The following DRAM1 variants were observed in gnomAD, a reference collection of about 807,000 sequenced individuals.
DRAM1 encodes the protein DNA damage-regulated autophagy modulator protein 1.
A neutral mutation model predicts 28.5 loss-of-function variants in DRAM1; 25 were observed. That is an observed-to-expected ratio of 0.88 (90% CI 0.64 to 1.23). The LOEUF is 1.23. DRAM1 is among the 50% of genes most tolerant of loss of function. The pLI is 0.00. For synonymous variants in DRAM1, 113 were observed against 114.2 expected, an observed-to-expected ratio of 0.99 and a Z score of 0.07; for missense variants, 249 against 299.2, an observed-to-expected ratio of 0.83 and a Z score of 1.24.
At chr12:101,901,245 A>G in intron 2 of DRAM1, 46 bp from the exon 3 acceptor site, 1 of 1,588,344 alleles carries the variant, frequency 6.3e-7, no homozygotes, top group Non-Finnish European at 8.6e-7. Context: ...TTTCATCCTA[A>G]AGACATCAAA....
At chr12:101,888,625 A>G (rs1260667546) in intron 1 of DRAM1, among the ~76,000 whole-genome samples, 1 of 151,980 alleles carries the variant, frequency 6.6e-6, no homozygotes, top group Non-Finnish European at 1.5e-5. Context: ...TTCTCCTCTG[A>G]TTTGAATTTT....
At chr12:101,905,508 C>T (rs1873769765) in intron 3 of DRAM1, among the ~76,000 whole-genome samples, 1 of 152,070 alleles carries the variant, frequency 6.6e-6, no homozygotes, top group Admixed American at 6.6e-5. Flanking sequence ...TCTTGAACTC[C>T]TGAGCTCAAG....
intron 1 of DRAM1, among the ~76,000 whole-genome samples, chr12:101,878,358 C>T (rs984121464): frequency 3.9e-5 from 6 of 152,190 alleles, no homozygotes; most frequent in Admixed American, 2.6e-4. Context: ...TTATTATTCC[C>T]GCAAGCGAGC....
At chr12:101,884,307 G>A (rs1203325693) in intron 1 of DRAM1, among the ~76,000 whole-genome samples, 1 of 146,852 alleles carries the variant, frequency 6.8e-6, no homozygotes, top group Non-Finnish European at 1.5e-5. Context: ...AGGATCACTT[G>A]AGCCTGCAGT....
At chr12:101,901,614 G>GA in intron 3 of DRAM1, 181 bp downstream of exon 3, 5 of 659,234 alleles carry the variant, frequency 7.6e-6, no homozygotes, top group Non-Finnish European at 1.2e-5. Context: ...GGCCAGGTGT[G>GA]GTGGCTCACA....
chr12:101,889,900 A>G (rs1329174292), intron 1 of DRAM1, among the ~76,000 whole-genome samples: 1 of 145,830 alleles, frequency 6.9e-6, no homozygotes, highest in Non-Finnish European at 1.5e-5. Flanking sequence ...AGATCGTGCC[A>G]CTACACTCCA....
chr12:101,899,942 TTG>T (rs1873533825), intron 2 of DRAM1, among the ~76,000 whole-genome samples: 1 of 152,240 alleles, frequency 6.6e-6, no homozygotes, highest in Non-Finnish European at 1.5e-5. Context: ...CTTTGCATAT[TTG>T]TGTGAGTTTT....
intron 3 of DRAM1, among the ~76,000 whole-genome samples, chr12:101,903,201 G>A (rs567605718): frequency 5.3e-5 from 8 of 152,170 alleles, no homozygotes; most frequent in Admixed American, 2.0e-4. Context: ...ATGAGCCACC[G>A]TGCCCAGCCA....
chr12:101,903,159 C>T (rs1873667238), intron 3 of DRAM1, among the ~76,000 whole-genome samples: 1 of 152,184 alleles, frequency 6.6e-6, no homozygotes, highest in African/African-American at 2.4e-5. Flanking sequence ...GATCTGCCTG[C>T]CTTGGCCTCC....
rs1566126243 is a variant in DRAM1, at chr12:101,901,407, G to A, written c.316G>A (p.Gly106Arg). 1.9e-6 allele frequency: 3 copies of A among 1,614,018 alleles called. No individual in the cohort carries two copies. The highest frequency in any genetic ancestry group is 1.7e-6 in the Non-Finnish European group (2 of 1,179,984). Residue 106 changes from glycine to arginine, a missense_variant, in exon 3 of 7, where the codon GGA (glycine) becomes AGA (arginine). Coordinates refer to ENST00000258534, the MANE Select transcript of DRAM1 (RefSeq NM_018370.3). ...AGTGCTTGGATTGGTGGGATGTTTC[G>A]GAATGGGCATTGTCGCCAATTTTCA... ...SLVLGLVGCF[G>R]MGIVANFQEL...
chr12:101,895,193 T>TTTTTTTTGTTTTTTTTTTTTG (rs1873307677), intron 1 of DRAM1, among the ~76,000 whole-genome samples: 14 of 125,554 alleles, frequency 1.1e-4, no homozygotes, highest in Non-Finnish European at 2.3e-4. Flanking sequence ...CAGGTTTTTT[T>TTTTTTTTGTTTTTTTTTTTTG]TTTTTTTTTT....
chr12:101,888,742 A>G (rs1466679299), intron 1 of DRAM1, among the ~76,000 whole-genome samples: 1 of 151,274 alleles, frequency 6.6e-6, no homozygotes, highest in East Asian at 1.9e-4. Flanking sequence ...AGTATTGCTC[A>G]AAAGTCTTGA....
At chr12:101,885,893 A>C (rs1872870427) in intron 1 of DRAM1, among the ~76,000 whole-genome samples, 1 of 152,124 alleles carries the variant, frequency 6.6e-6, no homozygotes, top group Non-Finnish European at 1.5e-5. Context: ...TCTCACACAA[A>C]ATATATGCTC....
intron 4 of DRAM1, 45 bp from the exon 5 acceptor site, chr12:101,914,129 G>C (rs761733169): frequency 5.4e-5 from 72 of 1,345,622 alleles, no homozygotes; most frequent in African/African-American, 1.5e-5. Context: ...AACATTAAAG[G>C]AACTGTTGTG....
At chr12:101,885,402 A>G (rs1443828190) in intron 1 of DRAM1, among the ~76,000 whole-genome samples, 1 of 152,152 alleles carries the variant, frequency 6.6e-6, no homozygotes, top group African/African-American at 2.4e-5. Flanking sequence ...CCTGCCCCAG[A>G]AGCAGGTTGT....
Position 101,887,537 on chromosome 12 carries a change from TC to T in DRAM1, c.131+9618del, listed in dbSNP as rs749267051. Reference sequence around the variant, plus strand: ...CAAGTTCTGAAGACTTTTTTCTTTTTCTTTTTTTTTTGAGACGAAGTCTCAC... The same window carrying T: ...CAAGTTCTGAAGACTTTTTTCTTTTTTTTTTTTTTTGAGACGAAGTCTCAC... On this transcript the variant is annotated intron_variant, in intron 1 of 6. Coordinates refer to ENST00000258534, the MANE Select transcript of DRAM1 (RefSeq NM_018370.3). Among the ~76,000 whole-genome samples the T allele has an allele frequency of 1.4e-3, 214 of 148,818 alleles. 8 individuals carry two copies. Among genetic ancestry groups the T allele is most frequent in the African/African-American group, 1.0e-3 (42 of 40,444 alleles).
At chr12:101,886,698 A>G (rs1872897507) in intron 1 of DRAM1, among the ~76,000 whole-genome samples, 1 of 152,146 alleles carries the variant, frequency 6.6e-6, no homozygotes, top group African/African-American at 2.4e-5. Context: ...TCTCTTACCC[A>G]TGTCTTTGTA....
chr12:101,919,713 G>C (rs775340476), intron 5 of DRAM1, among the ~76,000 whole-genome samples: 13 of 152,200 alleles, frequency 8.5e-5, no homozygotes, highest in African/African-American at 1.2e-4. Context: ...AACTGCGAGA[G>C]TGCTTGTTAA....
At chr12:101,914,269 G>T (rs769597842) in intron 5 of DRAM1, 37 bp downstream of exon 5, 10 of 1,547,678 alleles carry the variant, frequency 6.5e-6, no homozygotes, top group Non-Finnish European at 8.8e-6. Flanking sequence ...GTTGTCGGAC[G>T]TGGTTATGTG....
Sources: gnomAD v4.1 joint callset for allele counts (sites outside exome capture counted in the v4.1 genomes callset) on GRCh38, gnomAD v4.1.1 for gene constraint, MANE v1.5 for transcripts, NCBI Gene and HGNC (gene_info 2026-07-23, HGNC 2026-07-21) for gene names.